Variants in PCDH19 observed in about 807,000 individuals in gnomAD.
The protein encoded by PCDH19 is protocadherin-19.
PCDH19 carries 6 observed loss-of-function variants against 46.2 expected under a neutral mutation model. The observed-to-expected ratio is 0.13, with a 90% CI of 0.07 to 0.26. The LOEUF (loss-of-function observed/expected upper bound fraction) is 0.26, where lower values mean the gene tolerates loss of function less well. Among genes scored for constraint, PCDH19 ranks in the 10% least tolerant of loss-of-function variants. PCDH19 has a pLI of 1.00. For missense variants in PCDH19, 740 were observed against 972.3 expected (o/e 0.76, Z 3.18); for synonymous variants, 481 against 415.7 (o/e 1.16, Z -1.91).
At chrX:100,377,953 C>CGG (rs1382032994) in intron 3 of PCDH19, among the ~76,000 whole-genome samples, 1 of 112,372 alleles carries the variant, frequency 8.9e-6, no homozygotes, top group African/African-American at 3.2e-5. Flanking sequence ...TGGTGATTAA[C>CGG]CAGACTGGTC....
intron 3 of PCDH19, among the ~76,000 whole-genome samples, chrX:100,400,352 A>G (rs1348856948): frequency 8.9e-6 from 1 of 112,374 alleles, no homozygotes; most frequent in Non-Finnish European, 1.9e-5. Context: ...GACACCAATG[A>G]GTTGAACCTA....
intron 3 of PCDH19, among the ~76,000 whole-genome samples, chrX:100,375,770 G>A (rs1327366891): frequency 8.9e-6 from 1 of 111,929 alleles, no homozygotes; most frequent in Non-Finnish European, 1.9e-5. Context: ...TGATAACCAT[G>A]GACAAGAAAG....
intron 5 of PCDH19, among the ~76,000 whole-genome samples, chrX:100,316,934 T>A (rs1313213032): frequency 1.8e-5 from 2 of 112,220 alleles, no homozygotes; most frequent in Non-Finnish European, 3.8e-5. Context: ...TTTTTTCTTG[T>A]CATATTTAAT....
chrX:100,354,872 G>A (rs1186577275), intron 3 of PCDH19, among the ~76,000 whole-genome samples: 1 of 110,057 alleles, frequency 9.1e-6, no homozygotes, highest in Non-Finnish European at 1.9e-5. Flanking sequence ...TAATCAGACA[G>A]CCAGGTTAAC....
intron 5 of PCDH19, among the ~76,000 whole-genome samples, chrX:100,302,613 G>T (rs1924815737): frequency 8.9e-6 from 1 of 111,780 alleles, no homozygotes; most frequent in South Asian, 3.8e-4. Context: ...GATTTGTAGG[G>T]TCACCTTTTC....
intron 5 of PCDH19, among the ~76,000 whole-genome samples, chrX:100,331,992 G>T (rs965470539): frequency 1.8e-5 from 2 of 110,428 alleles, no homozygotes; most frequent in Admixed American, 9.7e-5. Context: ...AATTAAAAAG[G>T]CTTTCTTGTC....
intron 5 of PCDH19, among the ~76,000 whole-genome samples, chrX:100,335,679 T>A (rs1232012553): frequency 8.9e-6 from 1 of 111,732 alleles, no homozygotes; most frequent in Non-Finnish European, 1.9e-5. Context: ...AAACCCCAGA[T>A]TAATAAAAGT....
intron 3 of PCDH19, among the ~76,000 whole-genome samples, chrX:100,401,627 G>A (rs915975651): frequency 3.7e-5 from 4 of 108,266 alleles, no homozygotes; most frequent in African/African-American, 1.4e-4. Flanking sequence ...ACTCTAGCCT[G>A]GACAACAAGA....
chrX:100,401,633 CAA>C lies in PCDH19; in HGVS notation c.2616+889_2616+890del, dbSNP rs1237682318. The stretch of plus-strand genomic sequence containing the variant: ...TGCCATTGCACTCTAGCCTGGACAA[CAA>C]GAGAAACTCCATCTCAAAAAAAAAA... On this transcript the variant is annotated intron_variant, in intron 3 of 5. Transcript: ENST00000373034. 2.9e-5 allele frequency among the ~76,000 whole-genome samples: 3 copies of C among 101,775 alleles called. No individual in the cohort carries two copies. In the East Asian group the frequency reaches 9.1e-4, roughly 31 times the overall value. The allele number at this position is 101,775 out of a possible 115,157, so 88.4% of individuals were successfully genotyped here. A position where few individuals can be genotyped will look rare whatever the true frequency, so the allele number is the denominator to read the frequency against.
chrX:100,384,819 A>G (rs774369223), intron 3 of PCDH19, among the ~76,000 whole-genome samples: 86 of 111,482 alleles, frequency 7.7e-4, no homozygotes, highest in Non-Finnish European at 1.5e-3. Context: ...TGCATTTGTA[A>G]TTTTGAGAGA....
chrX:100,344,933 C>A (rs1470325098), intron 4 of PCDH19, among the ~76,000 whole-genome samples: 1 of 108,731 alleles, frequency 9.2e-6, no homozygotes, highest in Non-Finnish European at 1.9e-5. Context: ...CAGTTGAGAA[C>A]AACTGCTCTA....
Position 100,346,741 on chromosome X carries a change from G to A in PCDH19, c.2675+3905C>T, listed in dbSNP as rs751071723. ...ATTGTGCATGATTTAGGGAGCCAAA[G>A]CTCCTAATCCTTTCCACGCTGAGTC... On this transcript the variant is annotated intron_variant, in intron 4 of 5. Transcript: ENST00000373034. Among the ~76,000 whole-genome samples, 12 of 112,400 alleles carry A rather than the reference G, an allele frequency of 1.1e-4. No individual in the cohort carries two copies. The South Asian group carries it at 2.6e-3, about 24-fold the overall frequency.
At chrX:100,333,179 G>GAAAGAAAGAA (rs1365066738) in intron 5 of PCDH19, among the ~76,000 whole-genome samples, 1 of 46,924 alleles carries the variant, frequency 2.1e-5, no homozygotes, top group Non-Finnish European at 4.0e-5. Flanking sequence ...GGAAGGGAGA[G>GAAAGAAAGAA]AGAGAGAAAG....
At position 100,409,868 on chromosome X, in the gene PCDH19, G is replaced by A; in HGVS notation, c.-1271C>T. On this transcript the variant is annotated 5_prime_UTR_variant, in exon 1 of 6. Coordinates refer to ENST00000373034, the MANE Select transcript of PCDH19 (RefSeq NM_001184880.2). Reference sequence around the variant, plus strand: ...CTTGATTTCATCTTCCCGGAGAGGCGCTGGCCGCGCTGCGTTGGGCTCCCT... The same window carrying A: ...CTTGATTTCATCTTCCCGGAGAGGCACTGGCCGCGCTGCGTTGGGCTCCCT... The A allele has an allele frequency of 3.2e-6, 1 of 308,803 alleles. No individual in the cohort carries two copies. The allele number at this position is 308,803 out of a possible 1,213,427, so 25.4% of individuals were successfully genotyped here.
At chrX:100,314,139 C>T (rs1925225846) in intron 5 of PCDH19, among the ~76,000 whole-genome samples, 1 of 111,658 alleles carries the variant, frequency 9.0e-6, no homozygotes, top group Non-Finnish European at 1.9e-5. Context: ...AACGATTTTA[C>T]GGAGACAAGA....
intron 5 of PCDH19, among the ~76,000 whole-genome samples, chrX:100,333,060 G>A (rs1925927269): frequency 1.0e-5 from 1 of 97,380 alleles, no homozygotes; most frequent in Non-Finnish European, 2.0e-5. Context: ...GAGAAGGGAA[G>A]GGGAAAAGAG....
At chrX:100,330,136 G>C (rs1252462435) in intron 5 of PCDH19, among the ~76,000 whole-genome samples, 1 of 111,510 alleles carries the variant, frequency 9.0e-6, no homozygotes, top group Non-Finnish European at 1.9e-5. Context: ...CAATTCTTTT[G>C]GTTCACCTCC....
intron 3 of PCDH19, among the ~76,000 whole-genome samples, chrX:100,370,672 C>T: frequency 8.9e-6 from 1 of 111,953 alleles, no homozygotes. Flanking sequence ...ACTTTTTATG[C>T]AGCCAAAGTA....
chrX:100,309,097 A>G (rs1219903204), intron 5 of PCDH19, among the ~76,000 whole-genome samples: 2 of 109,814 alleles, frequency 1.8e-5, no homozygotes, highest in Non-Finnish European at 3.8e-5. Context: ...TTGCAAAAAT[A>G]TGGAACCAGC....
Sources: allele counts gnomAD v4.1 joint callset (sites outside exome capture counted in the v4.1 genomes callset), GRCh38; gene constraint gnomAD v4.1.1; transcripts MANE v1.5; gene names NCBI Gene and HGNC (gene_info 2026-07-23, HGNC 2026-07-21).